The following PAPOLA variants were observed in gnomAD, a reference collection of about 807,000 sequenced individuals.
PAPOLA encodes the protein polynucleotide adenylyltransferase alpha.
Under a neutral mutation model 100.6 loss-of-function variants are expected in PAPOLA, and 15 were observed. The observed-to-expected ratio is 0.15, with a 90% CI of 0.10 to 0.23. The LOEUF is 0.23. Ranked by LOEUF, PAPOLA falls within the 10% of genes least tolerant of loss-of-function variation. PAPOLA has a pLI of 1.00. For missense variants in PAPOLA, 533 were observed against 884.2 expected, an observed-to-expected ratio of 0.60 and a Z score of 5.04; for synonymous variants, 293 against 300.0, an observed-to-expected ratio of 0.98 and a Z score of 0.24.
chr14:96,530,395 T>G (rs1297339291), intron 6 of PAPOLA, among the ~76,000 whole-genome samples: 3 of 146,664 alleles, frequency 2.0e-5, no homozygotes, highest in African/African-American at 7.5e-5. Flanking sequence ...TTTTTTTTTC[T>G]TTTTTTTTTT....
At chr14:96,545,503 G>T (rs908758611) in intron 15 of PAPOLA, among the ~76,000 whole-genome samples, 1 of 151,960 alleles carries the variant, frequency 6.6e-6, no homozygotes, top group African/African-American at 2.4e-5. Context: ...TGATATGCTT[G>T]GTGGTAGTTG....
In PAPOLA at chr14:96,513,213, T is replaced by C. The variant is rs1016380577; in HGVS notation, c.9-6842T>C. ...TGAGTAGCTGGGACTACACTACAGG[T>C]GCATGCCACTACAGCTGGCTAATTT... On this transcript the variant is annotated intron_variant, in intron 1 of 21. Transcript: ENST00000216277. 4.6e-5 allele frequency among the ~76,000 whole-genome samples: 7 copies of C among 151,998 alleles called. 1 individual carries two copies. In the East Asian group the frequency reaches 7.7e-4, roughly 17 times the overall value.
chr14:96,564,914 G>GAACAA, intron 21 of PAPOLA, 41 bp from the exon 22 acceptor site: 1 of 985,646 alleles, frequency 1.0e-6, no homozygotes, highest in South Asian at 1.3e-5. Flanking sequence ...GTTAAATTAT[G>GAACAA]GTGCTTTGAA....
chr14:96,537,271 A>C (rs1327780619), intron 12 of PAPOLA: 2 of 534,448 alleles, frequency 3.7e-6, no homozygotes, highest in Non-Finnish European at 6.7e-6. Flanking sequence ...ATCTAACTGA[A>C]CTCCTGCTAC....
At chr14:96,535,518 T>C in intron 10 of PAPOLA, 1 of 990,898 alleles carries the variant, frequency 1.0e-6, no homozygotes, top group Non-Finnish European at 1.2e-6. Flanking sequence ...TTACAAAACA[T>C]TGTAGCATGA....
intron 15 of PAPOLA, among the ~76,000 whole-genome samples, chr14:96,546,910 C>T (rs1033201204): frequency 2.0e-4 from 31 of 152,036 alleles, no homozygotes. Context: ...TTGATGTTTG[C>T]TTTCTCTGGA....
chr14:96,531,981 C>T (rs1256279739), intron 7 of PAPOLA: 1 of 1,242,870 alleles, frequency 8.0e-7, no homozygotes, highest in Non-Finnish European at 1.0e-6. Context: ...TGTTACTGTG[C>T]TCTTGAAGAG....
chr14:96,536,955 T>C, intron 11 of PAPOLA, 21 bp from the exon 12 acceptor site: 1 of 1,401,194 alleles, frequency 7.1e-7, no homozygotes, highest in East Asian at 2.3e-5. Context: ...ATGCAAACAT[T>C]TTAATATGTT....
chr14:96,509,251 C>G (rs1274170404), intron 1 of PAPOLA, among the ~76,000 whole-genome samples: 1 of 152,164 alleles, frequency 6.6e-6, no homozygotes, highest in Non-Finnish European at 1.5e-5. Context: ...AGGCTGCTCT[C>G]AAACTCCCGG....
At chr14:96,533,350 C>T (rs891979849) in intron 9 of PAPOLA, 1 of 982,160 alleles carries the variant, frequency 1.0e-6, no homozygotes, top group African/African-American at 1.8e-5. Context: ...CCTGCTCCTC[C>T]CTCTGCAAAA....
chr14:96,555,667 A>G (rs1901256285), intron 17 of PAPOLA, among the ~76,000 whole-genome samples, 180 bp from the exon 18 acceptor site: 1 of 152,118 alleles, frequency 6.6e-6, no homozygotes, highest in African/African-American at 2.4e-5. Flanking sequence ...TTTGTGTACT[A>G]TTTACTGTTG....
intron 1 of PAPOLA, among the ~76,000 whole-genome samples, chr14:96,508,754 T>C (rs1020417717): frequency 3.9e-5 from 6 of 152,234 alleles, no homozygotes; most frequent in African/African-American, 1.4e-4. Context: ...TGTGTCTCTT[T>C]TATTCTGTAT....
At chr14:96,552,272 A>C (rs1227970354) in intron 16 of PAPOLA, among the ~76,000 whole-genome samples, 2 of 152,158 alleles carry the variant, frequency 1.3e-5, no homozygotes, top group East Asian at 3.9e-4. Flanking sequence ...CCCACATAAG[A>C]ACTATATTTA....
At chr14:96,535,743 A>T in intron 10 of PAPOLA, 136 bp from the exon 11 acceptor site, 6 of 855,968 alleles carry the variant, frequency 7.0e-6, no homozygotes, top group Non-Finnish European at 9.8e-6. Context: ...GTCTCTCTAC[A>T]TGGTTTTTCT....
chr14:96,520,344 A>T, intron 2 of PAPOLA, 116 bp downstream of exon 2: 1 of 760,226 alleles, frequency 1.3e-6, no homozygotes, highest in Non-Finnish European at 2.1e-6. Flanking sequence ...CCAGATCTAT[A>T]TATCTGTTTT....
At chr14:96,532,938 G>T in intron 9 of PAPOLA, 1 of 1,089,442 alleles carries the variant, frequency 9.2e-7, no homozygotes, top group East Asian at 6.2e-5. Flanking sequence ...TGATAGGTTG[G>T]GAAATCAGTT....
chr14:96,536,929 G>C (rs147123287), intron 11 of PAPOLA, 47 bp from the exon 12 acceptor site: 4 of 1,054,188 alleles, frequency 3.8e-6, no homozygotes, highest in African/African-American at 1.6e-5. Context: ...TAAAATTCTA[G>C]ATTGTAGACT....
At chr14:96,534,686 T>C (rs1899367384) in intron 10 of PAPOLA, 123 bp downstream of exon 10, 3 of 1,518,588 alleles carry the variant, frequency 2.0e-6, no homozygotes, top group Non-Finnish European at 2.6e-6. Context: ...GTATTACACT[T>C]TCTTTTAGAT....
chr14:96,524,644 C>G (rs1339422499), intron 3 of PAPOLA, among the ~76,000 whole-genome samples: 2 of 152,130 alleles, frequency 1.3e-5, no homozygotes, highest in Non-Finnish European at 2.9e-5. Context: ...CCTTAGCCAC[C>G]TGATTAGCTG....
Sources: gnomAD v4.1 joint callset for allele counts (sites outside exome capture counted in the v4.1 genomes callset) on GRCh38, gnomAD v4.1.1 for gene constraint, MANE v1.5 for transcripts, NCBI Gene and HGNC (gene_info 2026-07-23, HGNC 2026-07-21) for gene names.